IGF2BP2: variants seen among roughly 807,000 people sequenced by gnomAD.
The protein encoded by IGF2BP2 is insulin-like growth factor 2 mRNA-binding protein 2.
In IGF2BP2, 17 loss-of-function variants were observed where a neutral mutation model predicts 75.8. The ratio of observed to expected loss-of-function variants is 0.22; its 90% CI spans 0.15 to 0.34. The LOEUF is 0.34. Among genes scored for constraint, IGF2BP2 ranks in the 10% least tolerant of loss-of-function variants. The pLI is 1.00. For missense variants in IGF2BP2, 516 were observed against 772.4 expected (o/e 0.67, Z 3.93); for synonymous variants, 288 against 295.6 (o/e 0.97, Z 0.26).
rs186409041 is a variant in IGF2BP2 at position 185,665,738 on chromosome 3, G to C, written c.1200+6803C>G. On this transcript the variant is annotated intron_variant, in intron 10 of 15. Transcript: ENST00000382199. ...TCCCAGCACTTTGGGAGGCCAAGGC[G>C]GGCAGATTACTTGAGGTCAGGAGTT... Among the ~76,000 whole-genome samples the C allele has an allele frequency of 2.0e-4, 30 of 152,184 alleles. No individual in the cohort carries two copies. In the East Asian group the frequency reaches 2.1e-3, roughly 11 times the overall value.
At chr3:185,824,677 G>T in intron 1 of IGF2BP2, 106 bp downstream of exon 1, 1 of 807,998 alleles carries the variant, frequency 1.2e-6, no homozygotes, top group Non-Finnish European at 1.7e-6. Context: ...GCGTGCGGGC[G>T]CGGGAGCCGC....
intron 2 of IGF2BP2, 145 bp downstream of exon 2, chr3:185,823,008 C>A: frequency 2.0e-6 from 1 of 498,398 alleles, no homozygotes; most frequent in Non-Finnish European, 3.6e-6. Flanking sequence ...AAAAAAGTAG[C>A]TTTCTAAACT....
chr3:185,795,232 T>C (rs1737204938), intron 2 of IGF2BP2, among the ~76,000 whole-genome samples: 1 of 152,196 alleles, frequency 6.6e-6, no homozygotes, highest in African/African-American at 2.4e-5. Context: ...CATATAGTGC[T>C]TATCCTCTTG....
intron 12 of IGF2BP2, among the ~76,000 whole-genome samples, chr3:185,656,050 G>A (rs1264633845): frequency 1.3e-5 from 2 of 152,212 alleles, no homozygotes; most frequent in East Asian, 1.9e-4. Context: ...TGAACAAGAC[G>A]GGGATTGGAT....
At chr3:185,807,225 G>A (rs1016893702) in intron 2 of IGF2BP2, among the ~76,000 whole-genome samples, 1 of 152,116 alleles carries the variant, frequency 6.6e-6, no homozygotes, top group Non-Finnish European at 1.5e-5. Flanking sequence ...TTTATAAAAG[G>A]TGAAGTAATT....
At chr3:185,694,213 G>A (rs762089683) in intron 4 of IGF2BP2, among the ~76,000 whole-genome samples, 2 of 152,146 alleles carry the variant, frequency 1.3e-5, no homozygotes, top group Non-Finnish European at 2.9e-5. Flanking sequence ...TGCAAAACAG[G>A]GGAGGTGTAG....
chr3:185,665,278 GAGA>G (rs1336031963), intron 10 of IGF2BP2, among the ~76,000 whole-genome samples: 22 of 123,488 alleles, frequency 1.8e-4, no homozygotes, highest in Middle Eastern at 6.3e-3. Context: ...GGAGGAGAAG[GAGA>G]AGAAGAAGAA....
At position 185,647,028 on chromosome 3, in the gene IGF2BP2, G is replaced by A; in HGVS notation, c.1704C>T (p.Ser568=). 6.2e-7 allele frequency: 1 copy of A among 1,610,670 alleles called. No individual in the cohort carries two copies. The highest frequency in any genetic ancestry group is 8.5e-7 in the Non-Finnish European group (1 of 1,176,888). Residue 568 remains serine (S), a synonymous_variant, in exon 15 of 16, where the codon AGC becomes AGT. Transcript: ENST00000382199. The surrounding 1 kb of genome is among the most constrained non-coding windows in gnomAD (Gnocchi z 4.9). ...CAGGGCCCTCACAGCACAGTACCTG[G>A]CTAGCAAAGAAGTGCCCGATAATTC... ...IVRIIGHFFA[S]QTAQRKIREI...
rs531454284 is a variant in IGF2BP2, at chr3:185,794,364, G to T, written c.239+28789C>A. On this transcript the variant is annotated intron_variant, in intron 2 of 15. Transcript: ENST00000382199. ...TTGTTCCTAAATATTTCTTTGCTAA[G>T]GACTTAATCATAGACTCACAGAATT... 3.9e-5 allele frequency among the ~76,000 whole-genome samples: 5 copies of T among 128,546 alleles called. 1 individual carries two copies. The highest frequency in any genetic ancestry group is 8.2e-5 in the Non-Finnish European group (5 of 61,236). 84.3% of individuals were successfully genotyped at this position (128,546 alleles called of 152,430 possible).
intron 2 of IGF2BP2, among the ~76,000 whole-genome samples, chr3:185,812,539 G>A (rs1578394115): frequency 6.6e-6 from 1 of 152,190 alleles, no homozygotes; most frequent in Non-Finnish European, 1.5e-5. Context: ...AACAAGGGCA[G>A]GGTCTAAACT....
intron 12 of IGF2BP2, 110 bp downstream of exon 12, chr3:185,657,176 G>A: frequency 1.4e-6 from 1 of 697,754 alleles, no homozygotes. Flanking sequence ...AGATCTCTGT[G>A]GGACTCTGTC....
At chr3:185,764,583 G>A (rs1222722027) in intron 2 of IGF2BP2, among the ~76,000 whole-genome samples, 1 of 152,222 alleles carries the variant, frequency 6.6e-6, no homozygotes, top group Non-Finnish European at 1.5e-5. Flanking sequence ...GGGGAGTCTT[G>A]TCTTGAGAAG....
chr3:185,711,374 T>C (rs1724769380), intron 2 of IGF2BP2, among the ~76,000 whole-genome samples: 1 of 152,188 alleles, frequency 6.6e-6, no homozygotes. Context: ...TCAGTGAACC[T>C]GATGAATGAA....
At chr3:185,803,467 A>C (rs1424080121) in intron 2 of IGF2BP2, among the ~76,000 whole-genome samples, 1 of 152,274 alleles carries the variant, frequency 6.6e-6, no homozygotes, top group Non-Finnish European at 1.5e-5. Flanking sequence ...CATTTTCTTT[A>C]ATTGTAAGTA....
At chr3:185,805,000 A>C (rs930861593) in intron 2 of IGF2BP2, among the ~76,000 whole-genome samples, 1 of 151,952 alleles carries the variant, frequency 6.6e-6, no homozygotes. Flanking sequence ...CTCAAAAAAA[A>C]AAAAAAAAAT....
chr3:185,686,937 T>TC, intron 7 of IGF2BP2, 120 bp downstream of exon 7: 1 of 1,106,618 alleles, frequency 9.0e-7, no homozygotes, highest in Non-Finnish European at 1.3e-6. Flanking sequence ...ACACAATCCC[T>TC]CCCTGCCTCT....
At chr3:185,764,680 A>G (rs1732811399) in intron 2 of IGF2BP2, among the ~76,000 whole-genome samples, 1 of 152,214 alleles carries the variant, frequency 6.6e-6, no homozygotes, top group African/African-American at 2.4e-5. Context: ...AAAATAGGCA[A>G]TTACCACATC....
intron 12 of IGF2BP2, among the ~76,000 whole-genome samples, 172 bp downstream of exon 12, chr3:185,657,114 T>C (rs550479396): frequency 6.6e-6 from 1 of 152,166 alleles, no homozygotes; most frequent in Non-Finnish European, 1.5e-5. Context: ...AGTAAAGGAA[T>C]AAGAAAAGGA....
intron 13 of IGF2BP2, among the ~76,000 whole-genome samples, chr3:185,650,539 T>A (rs1443526169): frequency 1.3e-5 from 2 of 152,036 alleles, no homozygotes; most frequent in Admixed American, 6.6e-5. Context: ...TAGCCAGGTG[T>A]GGGGGCATGC....
Sources: allele counts gnomAD v4.1 joint callset (sites outside exome capture counted in the v4.1 genomes callset), GRCh38; gene constraint gnomAD v4.1.1; non-coding constraint Gnocchi (gnomAD v3.1); transcripts MANE v1.5; gene names NCBI Gene and HGNC (gene_info 2026-07-23, HGNC 2026-07-21).